PHACTR1: variants seen among roughly 807,000 people sequenced by gnomAD.
PHACTR1 encodes the protein RPEL repeat containing 1.
A neutral mutation model predicts 69.2 loss-of-function variants in PHACTR1; 16 were observed. The observed-to-expected ratio is 0.23, with a 90% confidence interval of 0.16 to 0.35. The LOEUF (loss-of-function observed/expected upper bound fraction) is 0.35. Among genes scored for constraint, PHACTR1 ranks in the 10% least tolerant of loss-of-function variants. The pLI is 1.00. For synonymous variants in PHACTR1, 312 were observed against 284.5 expected (o/e 1.10, Z -0.97); for missense variants, 510 against 734.7 (o/e 0.69, Z 3.54).
chr6:13,203,433 G>T (rs1765496454), intron 7 of PHACTR1, among the ~76,000 whole-genome samples: 1 of 152,194 alleles, frequency 6.6e-6, no homozygotes, highest in South Asian at 2.1e-4. Context: ...GATTAAACCG[G>T]TTAGAATACA....
intron 7 of PHACTR1, among the ~76,000 whole-genome samples, chr6:13,194,832 T>A (rs2113803124): frequency 6.6e-6 from 1 of 152,286 alleles, no homozygotes. Context: ...AAAGCGGCTC[T>A]GAAACTAAGT....
chr6:13,279,093 C>A, intron 12 of PHACTR1, among the ~76,000 whole-genome samples: 1 of 147,196 alleles, frequency 6.8e-6, no homozygotes, highest in African/African-American at 2.5e-5. Context: ...AACTATGCAA[C>A]TTTATTAGGC....
At chr6:12,834,155 T>C (rs1777890505) in intron 4 of PHACTR1, among the ~76,000 whole-genome samples, 1 of 152,164 alleles carries the variant, frequency 6.6e-6, no homozygotes, top group South Asian at 2.1e-4. Flanking sequence ...CCCTAAGATA[T>C]TTGACAAGAC....
chr6:12,923,053 C>T (rs575486848), intron 4 of PHACTR1, among the ~76,000 whole-genome samples: 1 of 152,320 alleles, frequency 6.6e-6, no homozygotes, highest in Non-Finnish European at 1.5e-5. Context: ...ATCCCCCATG[C>T]AATTTTGATT....
At chr6:13,107,735 T>A (rs980499742) in intron 5 of PHACTR1, among the ~76,000 whole-genome samples, 1 of 152,170 alleles carries the variant, frequency 6.6e-6, no homozygotes, top group African/African-American at 2.4e-5. Flanking sequence ...CTTCCATTCC[T>A]GATATTCATA....
chr6:13,143,963 G>T (rs1476307253), intron 5 of PHACTR1, among the ~76,000 whole-genome samples: 1 of 152,044 alleles, frequency 6.6e-6, no homozygotes. Flanking sequence ...AATATCTTAT[G>T]ATCAATTCAT....
intron 12 of PHACTR1, among the ~76,000 whole-genome samples, chr6:13,282,051 C>T (rs1208050481): frequency 6.6e-6 from 1 of 152,238 alleles, no homozygotes; most frequent in African/African-American, 2.4e-5. Context: ...TGTGCTCTGC[C>T]AGCGTGGGAG....
At chr6:12,962,194 C>T (rs1316006273) in intron 4 of PHACTR1, among the ~76,000 whole-genome samples, 1 of 152,156 alleles carries the variant, frequency 6.6e-6, no homozygotes, top group African/African-American at 2.4e-5. Context: ...CTTGGCCTCC[C>T]AAAATGCTGG....
chr6:12,768,184 G>C (rs893991310), intron 4 of PHACTR1, among the ~76,000 whole-genome samples: 1 of 141,058 alleles, frequency 7.1e-6, no homozygotes, highest in African/African-American at 2.7e-5. Flanking sequence ...GCGCGATCTC[G>C]GCTCACTGCA....
At chr6:12,885,341 T>A in intron 4 of PHACTR1, among the ~76,000 whole-genome samples, 1 of 152,242 alleles carries the variant, frequency 6.6e-6, no homozygotes, top group East Asian at 1.9e-4. Flanking sequence ...GCTGTCAGAA[T>A]ACTGATTAAT....
intron 8 of PHACTR1, among the ~76,000 whole-genome samples, chr6:13,212,068 C>G (rs565102894): frequency 5.9e-5 from 9 of 152,292 alleles, no homozygotes; most frequent in African/African-American, 2.2e-4. Context: ...TCTCTGTGTC[C>G]TCACGTGGTC....
intron 4 of PHACTR1, among the ~76,000 whole-genome samples, chr6:12,763,266 CA>C (rs754048371): frequency 7.0e-4 from 106 of 151,982 alleles, no homozygotes; most frequent in Non-Finnish European, 1.1e-3. Flanking sequence ...AAACAGCAGC[CA>C]AATAAATGAC....
In PHACTR1 at chr6:13,227,923, T is replaced by A. The variant is rs1385752027; in HGVS notation, c.1094T>A (p.Val365Glu). ...GPMGLPEIRQVPTVVIECDDN... is the reference protein window; with the variant it reads ...GPMGLPEIRQEPTVVIECDDN... ...ATGGGCCTTCCAGAAATAAGACAAG[T>A]GCCAACTGTTGTGATTGAATGTGAT... The change falls in exon 9 of 15, where the codon GTG becomes GAG. Residue 365 changes from valine to glutamate, a missense_variant. By Grantham distance (121) the Val-to-Glu change is moderately radical (BLOSUM62 -2). Transcript: ENST00000332995. 1 of 1,613,958 alleles carries A rather than the reference T, an allele frequency of 6.2e-7. No individual in the cohort carries two copies. The highest frequency in any genetic ancestry group is 8.5e-7 in the Non-Finnish European group (1 of 1,179,894).
intron 4 of PHACTR1, among the ~76,000 whole-genome samples, chr6:13,000,156 T>C (rs1368091269): frequency 6.6e-6 from 1 of 152,120 alleles, no homozygotes; most frequent in African/African-American, 2.4e-5. Flanking sequence ...CAGAAAGATA[T>C]GAAGAAAGGG....
At chr6:12,749,818 C>T in intron 4 of PHACTR1, 28 bp downstream of exon 4, 1 of 1,543,462 alleles carries the variant, frequency 6.5e-7, no homozygotes, top group Non-Finnish European at 8.7e-7. Context: ...GCCGCGCCCC[C>T]GCCCCCGCCC....
intron 5 of PHACTR1, among the ~76,000 whole-genome samples, chr6:13,086,049 G>A (rs1406881994): frequency 1.2e-5 from 1 of 82,108 alleles, no homozygotes; most frequent in Non-Finnish European, 2.3e-5. Context: ...TCTAGGCAAA[G>A]TAATTGCCTA....
At chr6:13,222,162 T>C (rs1768772130) in intron 8 of PHACTR1, among the ~76,000 whole-genome samples, 1 of 152,132 alleles carries the variant, frequency 6.6e-6, no homozygotes, top group Non-Finnish European at 1.5e-5. Flanking sequence ...CCATGTGCAA[T>C]GAAGTCCATT....
intron 10 of PHACTR1, among the ~76,000 whole-genome samples, chr6:13,262,201 T>C (rs551798049): frequency 2.2e-4 from 33 of 152,194 alleles, no homozygotes; most frequent in Admixed American, 7.9e-4. Context: ...ATAGGACTCT[T>C]GGTGGTTGAT....
At chr6:13,126,839 A>G (rs1819613827) in intron 5 of PHACTR1, among the ~76,000 whole-genome samples, 1 of 152,232 alleles carries the variant, frequency 6.6e-6, no homozygotes, top group Non-Finnish European at 1.5e-5. Context: ...ACTTCTAACC[A>G]ATTGTCAAAA....
Sources: allele counts gnomAD v4.1 joint callset (sites outside exome capture counted in the v4.1 genomes callset), GRCh38; gene constraint gnomAD v4.1.1; transcripts MANE v1.5; gene names NCBI Gene and HGNC (gene_info 2026-07-23, HGNC 2026-07-21).